Variants in BRI3 observed in about 807,000 individuals in gnomAD.
BRI3 encodes the protein brain protein I3.
In BRI3, 6 loss-of-function variants were observed where a neutral mutation model predicts 12.8. That is an observed-to-expected ratio of 0.47 (90% CI 0.26 to 0.93). BRI3 has a LOEUF of 0.93. Ranked by LOEUF, BRI3 falls within the 40% of genes least tolerant of loss-of-function variation. BRI3 has a pLI of 0.15. For synonymous variants in BRI3, 91 were observed against 76.1 expected (o/e 1.20, Z -1.02); for missense variants, 134 against 171.1 (o/e 0.78, Z 1.21).
intron 2 of BRI3, among the ~76,000 whole-genome samples, chr7:98,283,879 G>A (rs958049795): frequency 6.6e-5 from 10 of 152,228 alleles, no homozygotes; most frequent in Admixed American, 4.6e-4. Context: ...GGCAGCGAGG[G>A]ATGGGCCAGA....
chr7:98,282,823 A>C, intron 2 of BRI3: 1 of 211,446 alleles, frequency 4.7e-6, no homozygotes, highest in Non-Finnish European at 9.6e-6. Context: ...CCGCAAGTTT[A>C]CTCTGCAGTT....
the BRI3 span, chr7:98,317,205 G>C: frequency 6.2e-7 from 1 of 1,614,088 alleles, no homozygotes; most frequent in Non-Finnish European, 8.5e-7. Flanking sequence ...ACAAGATATT[G>C]TTGAAAAGCT....
downstream of BRI3, among the ~76,000 whole-genome samples, chr7:98,294,981 T>C (rs976710037): frequency 6.6e-6 from 1 of 151,766 alleles, no homozygotes; most frequent in African/African-American, 2.4e-5. Context: ...ACACAGGGAG[T>C]GGAGTCAGGC....
chr7:98,289,768 T>C (rs919353040), intron 2 of BRI3, among the ~76,000 whole-genome samples: 12 of 152,200 alleles, frequency 7.9e-5, no homozygotes, highest in African/African-American at 2.9e-4. Flanking sequence ...TTCAGCTGTG[T>C]CCAGAACTTT....
intron 2 of BRI3, among the ~76,000 whole-genome samples, chr7:98,287,167 T>G (rs1799737599): frequency 6.6e-6 from 1 of 152,220 alleles, no homozygotes; most frequent in African/African-American, 2.4e-5. Context: ...TCTGTCCAGC[T>G]CCCGGGCGGC....
chr7:98,288,597 TCC>T (rs1393539951), intron 2 of BRI3, among the ~76,000 whole-genome samples: 7 of 138,248 alleles, frequency 5.1e-5, no homozygotes, highest in Admixed American at 4.6e-4. Context: ...GCTCAGCCCC[TCC>T]ACACAGACAG....
chr7:98,320,035 C>A, the BRI3 span: 1 of 1,602,668 alleles, frequency 6.2e-7, no homozygotes, highest in Non-Finnish European at 8.5e-7. Context: ...AAGGCTGGGG[C>A]TGGAGGAAAA....
chr7:98,317,791 C>G, the BRI3 span, among the ~76,000 whole-genome samples: 1 of 151,358 alleles, frequency 6.6e-6, no homozygotes, highest in African/African-American at 2.4e-5. Context: ...CCGGGGCCCT[C>G]GCTCATTTCA....
chr7:98,302,690 A>AG (rs1800477951), upstream of BRI3, among the ~76,000 whole-genome samples: 1 of 152,200 alleles, frequency 6.6e-6, no homozygotes, highest in African/African-American at 2.4e-5. Context: ...CAAGAGGCAG[A>AG]GGGGGGACCT....
At chr7:98,300,875 T>G (rs1327950488) in intron 1 of BRI3, among the ~76,000 whole-genome samples, 1 of 152,052 alleles carries the variant, frequency 6.6e-6, no homozygotes, top group Non-Finnish European at 1.5e-5. Flanking sequence ...AGGCCTTGTG[T>G]TTTTGCCGAA....
intron 2 of BRI3, among the ~76,000 whole-genome samples, chr7:98,285,580 A>G (rs1423911844): frequency 6.6e-6 from 1 of 152,150 alleles, no homozygotes; most frequent in East Asian, 1.9e-4. Context: ...TCGGTGCCCA[A>G]GTGCTCCCTC....
chr7:98,318,377 C>T, the BRI3 span, among the ~76,000 whole-genome samples: 1 of 151,898 alleles, frequency 6.6e-6, no homozygotes, highest in Non-Finnish European at 1.5e-5. Context: ...CACTCTCTGC[C>T]TCCCGGGTTC....
intron 2 of BRI3, 150 bp from the exon 3 acceptor site, chr7:98,290,961 T>G: frequency 1.2e-6 from 1 of 838,052 alleles, no homozygotes; most frequent in Non-Finnish European, 1.9e-6. Context: ...AGCTGGGTGG[T>G]GGGGTGGGGG....
upstream of BRI3, chr7:98,304,410 TA>T (rs751623152): frequency 6.2e-7 from 1 of 1,608,932 alleles, no homozygotes; most frequent in Non-Finnish European, 8.5e-7. Context: ...ACGTGTTAGA[TA>T]ATGTCTCACC....
exon 2 of BRI3, chr7:98,310,373 A>G (rs1273156904): frequency 6.7e-7 from 1 of 1,501,494 alleles, no homozygotes; most frequent in Non-Finnish European, 9.0e-7. Context: ...TTTATACAAA[A>G]TATTTATTTC....
chr7:98,302,126 C>T (rs913354038), upstream of BRI3, among the ~76,000 whole-genome samples: 1 of 152,214 alleles, frequency 6.6e-6, no homozygotes, highest in African/African-American at 2.4e-5. Flanking sequence ...CTCCCCAGTG[C>T]TAAGTAAGGA....
At chr7:98,320,105 T>C in the BRI3 span, 1 of 1,613,340 alleles carries the variant, frequency 6.2e-7, no homozygotes, top group South Asian at 1.1e-5. Flanking sequence ...AGCTCATGGA[T>C]AATCTCTTTG....
At chr7:98,293,868 G>A (rs186545900), downstream of BRI3, among the ~76,000 whole-genome samples, 2 of 152,348 alleles carry the variant, frequency 1.3e-5, no homozygotes. Context: ...TGACATGGGG[G>A]TCACTCTGGG....
chr7:98,281,701 A>T lies in BRI3; in HGVS notation c.-95A>T. The T allele has an allele frequency of 2.4e-6, 1 of 416,194 alleles. No homozygotes were observed. The highest frequency in any genetic ancestry group is 3.1e-6 in the Non-Finnish European group (1 of 317,640). 25.8% of individuals were successfully genotyped at this position (416,194 alleles called of 1,614,324 possible). ...CGTCTGCCTCAGAGGGGCCCGAGCC[A>T]CCCGGTCCGCCGCGTCCCCGCCGCC... On this transcript the variant is annotated 5_prime_UTR_variant, in exon 1 of 3. Coordinates refer to ENST00000297290, the MANE Select transcript of BRI3 (RefSeq NM_015379.5).
Sources: gnomAD v4.1 joint callset for allele counts (sites outside exome capture counted in the v4.1 genomes callset) on GRCh38, gnomAD v4.1.1 for gene constraint, MANE v1.5 for transcripts, NCBI Gene and HGNC (gene_info 2026-07-23, HGNC 2026-07-21) for gene names.